HNRNPH1: variants seen among roughly 807,000 people sequenced by gnomAD.
HNRNPH1 encodes the protein heterogeneous nuclear ribonucleoprotein H.
HNRNPH1 carries 4 observed loss-of-function variants against 58.6 expected under a neutral mutation model. The observed-to-expected ratio is 0.07, with a 90% CI of 0.03 to 0.16. The LOEUF is 0.16. Ranked by LOEUF, HNRNPH1 falls within the 10% of genes least tolerant of loss-of-function variation. The pLI, the probability that HNRNPH1 is intolerant of heterozygous loss-of-function variation, is 1.00. For missense variants in HNRNPH1, 271 were observed against 564.2 expected, an observed-to-expected ratio of 0.48 and a Z score of 5.26; for synonymous variants, 192 against 189.2, an observed-to-expected ratio of 1.01 and a Z score of -0.12.
chr5:179,633,913 G>C (rs1381075500), intron 2 of HNRNPH1: 1 of 75,288 alleles, frequency 1.3e-5, no homozygotes, highest in African/African-American at 3.8e-5. Flanking sequence ...GCGAGACTCC[G>C]TCTCTAAAAT....
upstream of HNRNPH1, among the ~76,000 whole-genome samples, chr5:179,628,648 C>T (rs899491679): frequency 6.6e-6 from 1 of 152,098 alleles, no homozygotes; most frequent in Non-Finnish European, 1.5e-5. Flanking sequence ...TGTTTTAAAA[C>T]CAATGATATC....
At chr5:179,617,955 A>T (rs1161468370) in intron 6 of HNRNPH1, 23 bp from the exon 8 acceptor site, 1 of 1,614,024 alleles carries the variant, frequency 6.2e-7, no homozygotes. Flanking sequence ...GAGTGTAAGC[A>T]TCCTTCAACT....
upstream of HNRNPH1, among the ~76,000 whole-genome samples, chr5:179,625,644 A>T (rs764645467): frequency 3.2e-4 from 48 of 148,360 alleles, no homozygotes; most frequent in Non-Finnish European, 4.8e-4. Context: ...GGGCAATAAG[A>T]GCAAAACTCC....
rs1562296879 is a variant in HNRNPH1 at position 179,621,413 on chromosome 5, C to T, written c.98-16G>A. ...ATTTTGCAGTCTGGAAAGAAAACAA[C>T]CGTTAATACAGAATTTAAAACCTAA... On this transcript the variant is annotated splice_polypyrimidine_tract_variant and intron_variant, in intron 1 of 12. Coordinates refer to ENST00000356731, the Ensembl canonical transcript of HNRNPH1. 1 of 1,608,982 alleles carries T rather than the reference C, an allele frequency of 6.2e-7. No individual in the cohort carries two copies. Among genetic ancestry groups the T allele is most frequent in the Admixed American group, 1.7e-5 (1 of 59,314 alleles).
At chr5:179,615,441 A>G (rs532759520) in intron 12 of HNRNPH1, 105 bp downstream of exon 13, 21 of 596,508 alleles carry the variant, frequency 3.5e-5, no homozygotes, top group Non-Finnish European at 4.7e-5. Context: ...CCCAAATGGC[A>G]GCCTCCATGG....
chr5:179,614,780 T>C (rs1244025512), exon 13 of HNRNPH1: 4 of 789,350 alleles, frequency 5.1e-6, no homozygotes, highest in African/African-American at 2.7e-5. Flanking sequence ...GAAGTTTTCT[T>C]AAAGAAAAAA....
intron 10 of HNRNPH1, chr5:179,616,561 T>TA (rs1769808486): frequency 2.0e-6 from 1 of 511,712 alleles, no homozygotes; most frequent in African/African-American, 1.9e-5. Context: ...TCAATACACC[T>TA]AATTATGCCC....
exon 1 of HNRNPH1, chr5:179,623,832 GT>G: frequency 6.6e-6 from 1 of 152,480 alleles, no homozygotes. Context: ...ACACGCTTGG[GT>G]TTTGGGCTCA....
At chr5:179,614,702 A>C (rs777744279) in exon 13 of HNRNPH1, 8 of 581,564 alleles carry the variant, frequency 1.4e-5, no homozygotes, top group Non-Finnish European at 2.4e-5. Flanking sequence ...TTAAGTCTTC[A>C]TAACAATCCT....
At chr5:179,619,516 G>A (rs1451300601) in intron 3 of HNRNPH1, 109 bp from the exon 5 acceptor site, 1 of 893,222 alleles carries the variant, frequency 1.1e-6, no homozygotes, top group African/African-American at 1.7e-5. Context: ...AACTTTAGGT[G>A]AATGGTATGC....
chr5:179,615,611 G>A lies in HNRNPH1; in HGVS notation c.1301-16C>T, dbSNP rs566529388. On this transcript the variant is annotated splice_polypyrimidine_tract_variant and intron_variant, in intron 11 of 12. Coordinates refer to ENST00000356731, the Ensembl canonical transcript of HNRNPH1. ...AAAACTTGGTCTGCAAAAGGATTTT[G>A]TAGGGTAAGACTATAATACCAAAAT... 28 of 1,482,166 alleles carry A rather than the reference G, an allele frequency of 1.9e-5. No homozygotes were observed. In the East Asian group the frequency reaches 4.8e-4, roughly 25 times the overall value. 91.8% of individuals were successfully genotyped at this position (1,482,166 alleles called of 1,614,324 possible).
chr5:179,624,152 C>T, exon 1 of HNRNPH1: 1 of 194,532 alleles, frequency 5.1e-6, no homozygotes, highest in Non-Finnish European at 1.0e-5. Flanking sequence ...CGTTCCCACT[C>T]CCCGCGCCGC....
intron 7 of HNRNPH1, 75 bp from the exon 9 acceptor site, chr5:179,617,724 G>C (rs1313490182): frequency 1.2e-6 from 2 of 1,603,840 alleles, no homozygotes; most frequent in Non-Finnish European, 1.7e-6. Flanking sequence ...TTCTAACATA[G>C]TGCTCACATT....
upstream of HNRNPH1, among the ~76,000 whole-genome samples, chr5:179,627,334 G>C (rs1179616909): frequency 6.6e-6 from 1 of 151,942 alleles, no homozygotes; most frequent in Non-Finnish European, 1.5e-5. Flanking sequence ...TGGGACTAAA[G>C]GCACTTTCAA....
exon 1 of HNRNPH1, chr5:179,624,219 G>A (rs971553816): frequency 6.2e-6 from 2 of 324,306 alleles, no homozygotes; most frequent in Non-Finnish European, 5.6e-6. Context: ...ATTGTCGAAC[G>A]TCCTGGGAGC....
intron 2 of HNRNPH1, among the ~76,000 whole-genome samples, chr5:179,632,023 T>A (rs972793238): frequency 5.9e-5 from 9 of 152,046 alleles, no homozygotes; most frequent in African/African-American, 2.2e-4. Context: ...AAAGGGCGTC[T>A]CGGCCGGGCG....
chr5:179,624,095 AC>A (rs1219631272), exon 1 of HNRNPH1: 1 of 160,964 alleles, frequency 6.2e-6, no homozygotes, highest in Non-Finnish European at 1.3e-5. Context: ...CCAGGCTCTT[AC>A]CGGCGCGCTC....
intron 10 of HNRNPH1, 78 bp downstream of exon 11, chr5:179,616,791 T>C: frequency 8.1e-7 from 1 of 1,236,306 alleles, no homozygotes; most frequent in Non-Finnish European, 1.2e-6. Context: ...ACTTATTAAA[T>C]AAATAGATTA....
chr5:179,615,630 C>T (rs1449118375), intron 11 of HNRNPH1, 35 bp from the exon 13 acceptor site: 7 of 1,103,490 alleles, frequency 6.3e-6, no homozygotes, highest in Admixed American at 4.0e-5. Flanking sequence ...GACTATAATA[C>T]CAAAATCACC....
Sources: gnomAD v4.1 joint callset for allele counts (sites outside exome capture counted in the v4.1 genomes callset) on GRCh38, gnomAD v4.1.1 for gene constraint, MANE v1.5 for transcripts, NCBI Gene and HGNC (gene_info 2026-07-23, HGNC 2026-07-21) for gene names.